MAGI2: variants seen among roughly 807,000 people sequenced by gnomAD.
MAGI2 encodes the protein membrane associated guanylate kinase, WW and PDZ domain containing 2.
In MAGI2, 35 loss-of-function variants were observed where a neutral mutation model predicts 133.3. The ratio of observed to expected loss-of-function variants is 0.26; its 90% CI spans 0.20 to 0.35. The LOEUF (loss-of-function observed/expected upper bound fraction) is 0.35. Ranked by LOEUF, MAGI2 falls within the 10% of genes least tolerant of loss-of-function variation. The pLI, the probability that MAGI2 is intolerant of heterozygous loss-of-function variation, is 1.00. For missense variants in MAGI2, 1,636 were observed against 1,863.4 expected, an observed-to-expected ratio of 0.88 and a Z score of 2.25; for synonymous variants, 729 against 710.6, an observed-to-expected ratio of 1.03 and a Z score of -0.41.
intron 1 of MAGI2, among the ~76,000 whole-genome samples, chr7:79,082,061 G>A (rs1816089045): frequency 6.6e-6 from 1 of 151,958 alleles, no homozygotes; most frequent in Admixed American, 6.6e-5. Context: ...TTTGTTAATT[G>A]AGTTACATGT....
intron 2 of MAGI2, among the ~76,000 whole-genome samples, chr7:78,921,626 C>A (rs1799228677): frequency 6.6e-6 from 1 of 150,954 alleles, no homozygotes; most frequent in African/African-American, 2.5e-5. Context: ...TATCACTTTT[C>A]AACAGTTTTT....
intron 1 of MAGI2, among the ~76,000 whole-genome samples, chr7:79,104,060 G>A (rs1818231681): frequency 6.6e-6 from 1 of 152,120 alleles, no homozygotes; most frequent in Admixed American, 6.6e-5. Context: ...AGTTCATCAA[G>A]CTGTGCACTT....
In MAGI2 at chr7:79,387,542, A is replaced by G. The variant is rs186242863; in HGVS notation, c.301+65478T>C. On this transcript the variant is annotated intron_variant, in intron 1 of 21. Coordinates refer to ENST00000354212, the MANE Select transcript of MAGI2 (RefSeq NM_012301.4). ...AGGTTTTTTTCCAGAAATTATTATG[A>G]CTCCTGTTTATACTTCTGCAATTTT... Among the ~76,000 whole-genome samples the G allele has an allele frequency of 4.6e-4, 70 of 151,722 alleles. No individual in the cohort carries two copies. In the East Asian group the frequency reaches 0.013, roughly 28 times the overall value.
At chr7:78,342,305 A>G (rs1297400266) in intron 9 of MAGI2, among the ~76,000 whole-genome samples, 3 of 152,198 alleles carry the variant, frequency 2.0e-5, no homozygotes, top group African/African-American at 7.2e-5. Flanking sequence ...TCAGGAAACA[A>G]CAGATGCTGG....
At chr7:79,271,702 G>T (rs189729343) in intron 1 of MAGI2, among the ~76,000 whole-genome samples, 1 of 143,418 alleles carries the variant, frequency 7.0e-6, no homozygotes, top group South Asian at 2.2e-4. Flanking sequence ...TTGGATAATA[G>T]AGGTAAAAGA....
At chr7:78,072,897 GTCC>G (rs1814860977) in intron 21 of MAGI2, 2 of 398,520 alleles carry the variant, frequency 5.0e-6, no homozygotes, top group South Asian at 2.5e-4. Context: ...GGCTCAAGCA[GTCC>G]TCCTGCCTTG....
chr7:78,476,770 G>A (rs1023184179), intron 6 of MAGI2, among the ~76,000 whole-genome samples: 6 of 151,870 alleles, frequency 4.0e-5, no homozygotes, highest in African/African-American at 1.5e-4. Flanking sequence ...GGATAGCTGT[G>A]TGACTGGCAT....
chr7:79,056,301 G>A (rs1813143512), intron 1 of MAGI2, among the ~76,000 whole-genome samples: 1 of 152,048 alleles, frequency 6.6e-6, no homozygotes, highest in Non-Finnish European at 1.5e-5. Flanking sequence ...AGGAGTTCAA[G>A]GCTGCTTCAA....
chr7:78,461,407 T>C (rs1285568915), intron 6 of MAGI2, among the ~76,000 whole-genome samples: 1 of 151,330 alleles, frequency 6.6e-6, no homozygotes, highest in Non-Finnish European at 1.5e-5. Flanking sequence ...TGTGTGTGTG[T>C]GTGTGTGTGT....
At chr7:79,084,152 T>G (rs1254046208) in intron 1 of MAGI2, among the ~76,000 whole-genome samples, 1 of 151,696 alleles carries the variant, frequency 6.6e-6, no homozygotes, top group Non-Finnish European at 1.5e-5. Flanking sequence ...CCATTTTACT[T>G]ATTTGCACTC....
chr7:78,824,642 A>G (rs1023098403), intron 2 of MAGI2, among the ~76,000 whole-genome samples: 10 of 151,922 alleles, frequency 6.6e-5, no homozygotes, highest in African/African-American at 2.4e-4. Context: ...TAGTAAATTT[A>G]TTTAAGTTCC....
chr7:79,006,991 T>TA (rs1224323661), intron 2 of MAGI2, 99 bp downstream of exon 2: 4 of 890,708 alleles, frequency 4.5e-6, no homozygotes, highest in South Asian at 2.3e-5. Context: ...AAGCCCACTA[T>TA]AAAAAATAAG....
intron 2 of MAGI2, among the ~76,000 whole-genome samples, chr7:78,956,597 T>C (rs1306947264): frequency 6.6e-6 from 1 of 152,214 alleles, no homozygotes; most frequent in Non-Finnish European, 1.5e-5. Context: ...TTTCTGTTTT[T>C]CCCTTGTAGT....
chr7:79,031,842 T>C (rs530461602), intron 1 of MAGI2, among the ~76,000 whole-genome samples: 11 of 152,328 alleles, frequency 7.2e-5, no homozygotes, highest in South Asian at 2.1e-4. Context: ...TTAAATGTTA[T>C]ATAATAATTG....
intron 2 of MAGI2, among the ~76,000 whole-genome samples, chr7:78,821,659 G>A (rs1185779501): frequency 6.6e-6 from 1 of 151,922 alleles, no homozygotes; most frequent in African/African-American, 2.4e-5. Flanking sequence ...TATTTAAAGT[G>A]TAGTTTAATA....
At chr7:78,351,539 C>A (rs1411276970) in intron 7 of MAGI2, among the ~76,000 whole-genome samples, 2 of 151,740 alleles carry the variant, frequency 1.3e-5, no homozygotes, top group Non-Finnish European at 2.9e-5. Context: ...TCAGGATGAC[C>A]ACAATGCAAA....
intron 2 of MAGI2, among the ~76,000 whole-genome samples, chr7:78,915,861 A>G (rs1305412146): frequency 6.6e-6 from 1 of 152,080 alleles, no homozygotes. Flanking sequence ...ACATAAGGTC[A>G]TCAGAGGAGG....
At chr7:79,346,091 C>T (rs1841290814) in intron 1 of MAGI2, among the ~76,000 whole-genome samples, 1 of 151,974 alleles carries the variant, frequency 6.6e-6, no homozygotes, top group Admixed American at 6.6e-5. Context: ...ACAAAAGAAT[C>T]CATAATTTTT....
At chr7:79,417,356 GTA>G (rs1350159259) in intron 1 of MAGI2, among the ~76,000 whole-genome samples, 2 of 152,050 alleles carry the variant, frequency 1.3e-5, no homozygotes, top group African/African-American at 4.8e-5. Flanking sequence ...ATGTTCCTAG[GTA>G]TCTTCTAATA....
Sources: gnomAD v4.1 joint callset for allele counts (sites outside exome capture counted in the v4.1 genomes callset) on GRCh38, gnomAD v4.1.1 for gene constraint, MANE v1.5 for transcripts, NCBI Gene and HGNC (gene_info 2026-07-23, HGNC 2026-07-21) for gene names.